Variants in RGS8 observed in about 807,000 individuals in gnomAD.
The protein encoded by RGS8 is regulator of G protein signaling 8.
A neutral mutation model predicts 21.7 loss-of-function variants in RGS8; 8 were observed. The ratio of observed to expected loss-of-function variants is 0.37; its 90% CI spans 0.22 to 0.66. The LOEUF is 0.66. Ranked by LOEUF, RGS8 falls within the 30% of genes least tolerant of loss-of-function variation. The probability of loss-of-function intolerance (pLI) is 0.59; values close to 1 mark genes in which losing one functional copy is unlikely to be tolerated. For missense variants in RGS8, 157 were observed against 217.9 expected (o/e 0.72, Z 1.76); for synonymous variants, 80 against 83.6 (o/e 0.96, Z 0.24).
chr1:182,676,325 C>T (rs896388855), upstream of RGS8, among the ~76,000 whole-genome samples: 1 of 152,164 alleles, frequency 6.6e-6, no homozygotes, highest in Non-Finnish European at 1.5e-5. Flanking sequence ...TAGGATAATA[C>T]CACATTTAAA....
chr1:182,730,908 C>G, the RGS8 span, among the ~76,000 whole-genome samples: 2 of 152,112 alleles, frequency 1.3e-5, no homozygotes, highest in African/African-American at 4.8e-5. Context: ...GCACTGTAAA[C>G]AATTCTGATA....
chr1:182,702,161 G>T, the RGS8 span, among the ~76,000 whole-genome samples: 1 of 152,180 alleles, frequency 6.6e-6, no homozygotes, highest in East Asian at 1.9e-4. Context: ...ACTCAACCCA[G>T]GTGCCCATCA....
intron 1 of RGS8, among the ~76,000 whole-genome samples, chr1:182,682,651 C>T (rs1664573934): frequency 6.6e-6 from 1 of 152,168 alleles, no homozygotes; most frequent in South Asian, 2.1e-4. Flanking sequence ...TGAAGCTGCT[C>T]AGTGGCCCTG....
At chr1:182,749,920 C>A in the RGS8 span, among the ~76,000 whole-genome samples, 8 of 152,270 alleles carry the variant, frequency 5.3e-5, no homozygotes, top group East Asian at 1.5e-3. Flanking sequence ...TGTTGTTCCC[C>A]TGCCTGTGTC....
At chr1:182,667,000 C>T (rs369564449) in intron 3 of RGS8, 27 bp from the exon 5 acceptor site, 24 of 1,564,720 alleles carry the variant, frequency 1.5e-5, no homozygotes, top group Admixed American at 5.0e-5. Context: ...GGCAGAAGGA[C>T]GGGGAAACTC....
chr1:182,646,709 G>A, exon 7 of RGS8: 2 of 1,589,022 alleles, frequency 1.3e-6, no homozygotes, highest in Admixed American at 3.6e-5. Flanking sequence ...GAAAGCCGGT[G>A]ATTTCCAGGA....
the RGS8 span, among the ~76,000 whole-genome samples, chr1:182,712,125 G>T: frequency 1.3e-5 from 2 of 152,192 alleles, no homozygotes; most frequent in Non-Finnish European, 2.9e-5. Flanking sequence ...GTAGGGGGAA[G>T]AGCTGGAATT....
the RGS8 span, among the ~76,000 whole-genome samples, chr1:182,689,588 G>A: frequency 6.6e-6 from 1 of 152,184 alleles, no homozygotes; most frequent in African/African-American, 2.4e-5. Context: ...AGGAAAGAAA[G>A]TAAATAGACA....
chr1:182,693,674 T>A, the RGS8 span, among the ~76,000 whole-genome samples: 1 of 152,228 alleles, frequency 6.6e-6, no homozygotes, highest in African/African-American at 2.4e-5. Flanking sequence ...TGCACATGTG[T>A]GTTCATTGCA....
chr1:182,665,003 C>T (rs1282977225), intron 5 of RGS8, among the ~76,000 whole-genome samples: 1 of 152,208 alleles, frequency 6.6e-6, no homozygotes, highest in Non-Finnish European at 1.5e-5. Flanking sequence ...AAATCAAGAA[C>T]GCAGGTCTGA....
chr1:182,645,729 T>G (rs144868378), downstream of RGS8: 42 of 152,288 alleles, frequency 2.8e-4, no homozygotes, highest in African/African-American at 8.4e-4. Context: ...CCCATCATAA[T>G]TACATGACCG....
At chr1:182,707,651 T>C in the RGS8 span, among the ~76,000 whole-genome samples, 1 of 152,212 alleles carries the variant, frequency 6.6e-6, no homozygotes. Flanking sequence ...TCATAATCAA[T>C]AAATAACATT....
At chr1:182,703,741 C>A in the RGS8 span, among the ~76,000 whole-genome samples, 4 of 152,170 alleles carry the variant, frequency 2.6e-5, no homozygotes, top group Non-Finnish European at 4.4e-5. Flanking sequence ...CATTTCAAAG[C>A]AGATTCGCCT....
rs371838655 is a variant in RGS8, at chr1:182,666,854, C to A, written c.128+18G>T. The A allele has an allele frequency of 3.8e-6, 6 of 1,588,170 alleles. No homozygotes were observed. In the African/African-American group the frequency reaches 5.4e-5, roughly 14 times the overall value. On this transcript the variant is annotated intron_variant, in intron 4 of 6. Transcript: ENST00000483095. ...TTGCTGTATTACCCAGGGAATGGCA[C>A]GTGGCCGTACTACTCACTTGAGAGC...
chr1:182,690,754 C>T, the RGS8 span, among the ~76,000 whole-genome samples: 17 of 152,124 alleles, frequency 1.1e-4, no homozygotes, highest in Non-Finnish European at 1.8e-4. Flanking sequence ...GAAGTGATGG[C>T]CCTTCATTTG....
chr1:182,712,915 C>T, the RGS8 span: 9 of 152,254 alleles, frequency 5.9e-5, no homozygotes, highest in Middle Eastern at 3.4e-3. Context: ...GGCTGTAGCA[C>T]CCTGAAATAT....
chr1:182,669,235 G>A (rs1041723208), intron 3 of RGS8, among the ~76,000 whole-genome samples: 1 of 152,204 alleles, frequency 6.6e-6, no homozygotes, highest in Admixed American at 6.5e-5. Context: ...AGGAGTCAAA[G>A]GTTAAGGATA....
At chr1:182,658,376 T>C (rs1251924757) in intron 5 of RGS8, 1 of 152,192 alleles carries the variant, frequency 6.6e-6, no homozygotes, top group African/African-American at 2.4e-5. Context: ...GTTCCCAGGC[T>C]TGGAAAAATA....
intron 1 of RGS8, among the ~76,000 whole-genome samples, chr1:182,683,754 G>A (rs1664617359): frequency 6.6e-6 from 1 of 151,832 alleles, no homozygotes; most frequent in Non-Finnish European, 1.5e-5. Context: ...CTTAGAAATT[G>A]GTGACCTCCA....
Sources: gnomAD v4.1 joint callset for allele counts (sites outside exome capture counted in the v4.1 genomes callset) on GRCh38, gnomAD v4.1.1 for gene constraint, MANE v1.5 for transcripts, NCBI Gene and HGNC (gene_info 2026-07-23, HGNC 2026-07-21) for gene names.